Variants in CREB5 observed in about 807,000 individuals in gnomAD.
CREB5 encodes cAMP responsive element binding protein 5.
CREB5 carries 19 observed loss-of-function variants against 57.1 expected under a neutral mutation model. The observed-to-expected ratio is 0.33, with a 90% CI of 0.23 to 0.49. CREB5 has a LOEUF of 0.49. Among genes scored for constraint, CREB5 ranks in the 20% least tolerant of loss-of-function variants. CREB5 has a pLI of 0.99. For missense variants in CREB5, 579 were observed against 671.6 expected (o/e 0.86, Z 1.52); for synonymous variants, 238 against 238.3 (o/e 1.00, Z 0.01).
intron 4 of CREB5, among the ~76,000 whole-genome samples, chr7:28,552,818 T>C (rs947358006): frequency 6.6e-6 from 1 of 152,218 alleles, no homozygotes; most frequent in African/African-American, 2.4e-5. Context: ...TGAAATGAAT[T>C]ATCTGCGATG....
intron 1 of CREB5, among the ~76,000 whole-genome samples, chr7:28,301,977 T>C (rs1188310605): frequency 6.6e-6 from 1 of 152,214 alleles, no homozygotes; most frequent in Non-Finnish European, 1.5e-5. Flanking sequence ...CTGGAGAGGG[T>C]GTTTTAAATG....
At chr7:28,654,104 C>T (rs189653529) in intron 5 of CREB5, among the ~76,000 whole-genome samples, 2 of 152,310 alleles carry the variant, frequency 1.3e-5, no homozygotes, top group African/African-American at 2.4e-5. Flanking sequence ...GTTCCAGATA[C>T]ACCAGACCTC....
intron 5 of CREB5, among the ~76,000 whole-genome samples, chr7:28,644,206 A>T (rs1798802758): frequency 6.6e-6 from 1 of 151,328 alleles, no homozygotes; most frequent in South Asian, 2.1e-4. Context: ...AAGGGAAGGG[A>T]AGGGGAGTTC....
intron 5 of CREB5, among the ~76,000 whole-genome samples, chr7:28,618,714 T>C (rs776948426): frequency 1.3e-5 from 2 of 152,208 alleles, no homozygotes; most frequent in Admixed American, 6.5e-5. Context: ...TACTAGGCCT[T>C]GGGTGAACAC....
intron 5 of CREB5, among the ~76,000 whole-genome samples, chr7:28,628,806 TG>T (rs1798098052): frequency 6.6e-6 from 1 of 152,210 alleles, no homozygotes; most frequent in Non-Finnish European, 1.5e-5. Context: ...GGCCAGACAC[TG>T]TGCTAATAGT....
At chr7:28,737,269 A>G (rs899857587) in intron 7 of CREB5, among the ~76,000 whole-genome samples, 6 of 151,882 alleles carry the variant, frequency 4.0e-5, no homozygotes, top group Non-Finnish European at 7.4e-5. Flanking sequence ...CTCAGTTGGA[A>G]TTAAGAATAA....
At chr7:28,795,442 A>C (rs1807972480) in intron 7 of CREB5, among the ~76,000 whole-genome samples, 1 of 152,200 alleles carries the variant, frequency 6.6e-6, no homozygotes. Flanking sequence ...GCCAGCTGGT[A>C]GATAATAGAA....
chr7:28,642,874 G>T (rs1798710710), intron 5 of CREB5, among the ~76,000 whole-genome samples: 1 of 151,694 alleles, frequency 6.6e-6, no homozygotes, highest in Non-Finnish European at 1.5e-5. Flanking sequence ...ATGAACACAA[G>T]CATGCTAAAC....
chr7:28,481,619 C>T (rs1264195184), intron 1 of CREB5, among the ~76,000 whole-genome samples: 2 of 152,172 alleles, frequency 1.3e-5, no homozygotes, highest in Non-Finnish European at 2.9e-5. Context: ...GGTCACACAG[C>T]TGCAAATAAT....
intron 7 of CREB5, among the ~76,000 whole-genome samples, chr7:28,798,887 G>A (rs933152761): frequency 6.6e-6 from 1 of 151,976 alleles, no homozygotes; most frequent in Non-Finnish European, 1.5e-5. Flanking sequence ...CTTGGCATTA[G>A]GTGGAATGTT....
chr7:28,747,703 G>C (rs915593211), intron 7 of CREB5, among the ~76,000 whole-genome samples: 1 of 152,178 alleles, frequency 6.6e-6, no homozygotes, highest in Non-Finnish European at 1.5e-5. Context: ...ACACCAGGCT[G>C]GGTTGGCCAG....
At chr7:28,544,512 G>C (rs758644963) in intron 4 of CREB5, among the ~76,000 whole-genome samples, 1 of 152,184 alleles carries the variant, frequency 6.6e-6, no homozygotes, top group Non-Finnish European at 1.5e-5. Context: ...GAAGTGATAT[G>C]TGCTCCATAA....
chr7:28,350,898 C>T (rs1396186122), intron 1 of CREB5, among the ~76,000 whole-genome samples: 1 of 152,166 alleles, frequency 6.6e-6, no homozygotes, highest in Non-Finnish European at 1.5e-5. Flanking sequence ...TCATATGAGC[C>T]AATACATTTT....
intron 5 of CREB5, among the ~76,000 whole-genome samples, chr7:28,664,221 T>C (rs1472312492): frequency 1.3e-5 from 2 of 152,184 alleles, no homozygotes; most frequent in Non-Finnish European, 1.5e-5. Flanking sequence ...AGTTGAACAG[T>C]GATCTTGTCC....
intron 1 of CREB5, among the ~76,000 whole-genome samples, chr7:28,438,634 A>G (rs1337877702): frequency 6.6e-6 from 1 of 152,160 alleles, no homozygotes; most frequent in African/African-American, 2.4e-5. Context: ...TTGACATGTG[A>G]AGCTTTCTTG....
chr7:28,391,220 C>T (rs375348591), intron 1 of CREB5, among the ~76,000 whole-genome samples: 6 of 152,090 alleles, frequency 3.9e-5, no homozygotes, highest in South Asian at 2.1e-4. Context: ...TTTTCACATA[C>T]GTTGGCATGG....
chr7:28,737,527 G>GTATATATATATATA (rs1265059846), intron 7 of CREB5, among the ~76,000 whole-genome samples: 1 of 84,294 alleles, frequency 1.2e-5, no homozygotes, highest in Non-Finnish European at 2.3e-5. Flanking sequence ...GTGTATATAT[G>GTATATATATATATA]TATATATATA....
chr7:28,302,342 A>G (rs1785109737), intron 1 of CREB5, among the ~76,000 whole-genome samples: 1 of 152,200 alleles, frequency 6.6e-6, no homozygotes, highest in South Asian at 2.1e-4. Flanking sequence ...TCTCTAGTGA[A>G]TATTACATGT....
chr7:28,724,173 C>T, intron 6 of CREB5, 49 bp from the exon 7 acceptor site: 1 of 1,515,646 alleles, frequency 6.6e-7, no homozygotes, highest in Non-Finnish European at 9.1e-7. Context: ...TGTCTAATGA[C>T]CTAGACTGCC....
Sources: gnomAD v4.1 joint callset for allele counts (sites outside exome capture counted in the v4.1 genomes callset) on GRCh38, gnomAD v4.1.1 for gene constraint, MANE v1.5 for transcripts, NCBI Gene and HGNC (gene_info 2026-07-23, HGNC 2026-07-21) for gene names.